KIAA0319: variants seen among roughly 807,000 people sequenced by gnomAD.
KIAA0319 encodes dyslexia-associated protein KIAA0319.
KIAA0319 carries 83 observed loss-of-function variants against 108.4 expected under a neutral mutation model. The ratio of observed to expected loss-of-function variants is 0.77; its 90% CI spans 0.64 to 0.92. The LOEUF is 0.92. Ranked by LOEUF, KIAA0319 falls within the 40% of genes least tolerant of loss-of-function variation. The pLI is 0.00. For missense variants in KIAA0319, 1,195 were observed against 1,322.4 expected (o/e 0.90, Z 1.49); for synonymous variants, 484 against 510.4 (o/e 0.95, Z 0.70).
chr6:24,567,330 C>T (rs1426539844), intron 13 of KIAA0319, among the ~76,000 whole-genome samples: 1 of 152,046 alleles, frequency 6.6e-6, no homozygotes, highest in Non-Finnish European at 1.5e-5. Context: ...AACAAGTCTC[C>T]ATCTCTATGA....
chr6:24,631,287 T>C (rs562934006), intron 1 of KIAA0319, among the ~76,000 whole-genome samples: 1 of 152,320 alleles, frequency 6.6e-6, no homozygotes, highest in African/African-American at 2.4e-5. Context: ...ATGCAGGCCA[T>C]GGGTCTACCT....
chr6:24,633,063 C>T (rs1775772271), intron 1 of KIAA0319, among the ~76,000 whole-genome samples: 1 of 152,034 alleles, frequency 6.6e-6, no homozygotes, highest in Admixed American at 6.6e-5. Flanking sequence ...TTTTCAACTT[C>T]CTAGGAGTCA....
At chr6:24,600,222 G>A (rs925253517) in intron 2 of KIAA0319, among the ~76,000 whole-genome samples, 2 of 152,158 alleles carry the variant, frequency 1.3e-5, no homozygotes, top group African/African-American at 4.8e-5. Context: ...AAACATTAAT[G>A]AAGGTATTTT....
intron 10 of KIAA0319, among the ~76,000 whole-genome samples, 169 bp downstream of exon 10, chr6:24,576,199 A>C (rs1765472792): frequency 6.6e-6 from 1 of 152,212 alleles, no homozygotes; most frequent in African/African-American, 2.4e-5. Flanking sequence ...GAAGGGATGT[A>C]AACTTGGAAG....
At chr6:24,636,183 G>A (rs77667203) in intron 1 of KIAA0319, among the ~76,000 whole-genome samples, 101 of 152,146 alleles carry the variant, frequency 6.6e-4, no homozygotes, top group African/African-American at 2.1e-3. Context: ...ACATACCTAC[G>A]CCCCAAAGAA....
intron 10 of KIAA0319, among the ~76,000 whole-genome samples, 182 bp downstream of exon 10, chr6:24,576,186 G>A (rs949687203): frequency 6.6e-6 from 1 of 152,212 alleles, no homozygotes; most frequent in African/African-American, 2.4e-5. Context: ...AAGTGGGCGA[G>A]GGGAAGGGAT....
At chr6:24,559,309 T>C (rs1762770062) in intron 16 of KIAA0319, among the ~76,000 whole-genome samples, 154 bp from the exon 17 acceptor site, 1 of 152,212 alleles carries the variant, frequency 6.6e-6, no homozygotes. Context: ...AGCCAAGGAA[T>C]TGATGTTTCT....
chr6:24,643,615 A>C (rs1777243896), intron 1 of KIAA0319, among the ~76,000 whole-genome samples: 1 of 152,194 alleles, frequency 6.6e-6, no homozygotes. Flanking sequence ...GCATTTTATG[A>C]TGATTTGATA....
intron 1 of KIAA0319, among the ~76,000 whole-genome samples, chr6:24,635,136 A>C (rs1459522538): frequency 1.4e-5 from 2 of 147,720 alleles, no homozygotes; most frequent in East Asian, 2.0e-4. Context: ...ATGGAGTTTC[A>C]CTATTGTTGC....
chr6:24,612,277 C>T (rs114884440), intron 1 of KIAA0319, among the ~76,000 whole-genome samples: 3,624 of 151,918 alleles, frequency 0.024, 67 homozygotes, highest in Non-Finnish European at 0.037. Flanking sequence ...CACAGCGAGA[C>T]CTCATCTCCA....
In KIAA0319 at chr6:24,579,486, CATATATCTTATATATCTCAT is replaced by C. The variant is rs1369282167; in HGVS notation, c.1372+352_1372+371del. On this transcript the variant is annotated intron_variant, in intron 8 of 20. Transcript: ENST00000378214. Reference sequence around the variant, plus strand: ...TCTCATATATATATCTTATATATCTCATATATCTTATATATCTCATATATATCTTATATATCTTATATATA... The same window carrying C: ...TCTCATATATATATCTTATATATCTCATATATCTTATATATCTTATATATA... Among the ~76,000 whole-genome samples the C allele has an allele frequency of 7.9e-4, 113 of 142,654 alleles. 1 individual carries two copies. The highest frequency in any genetic ancestry group is 2.7e-3 in the African/African-American group (104 of 37,910). 93.6% of individuals were successfully genotyped at this position (142,654 alleles called of 152,430 possible). A position where few individuals can be genotyped will look rare whatever the true frequency, so the allele number is the denominator to read the frequency against.
intron 16 of KIAA0319, among the ~76,000 whole-genome samples, chr6:24,561,184 GA>G (rs1249385595): frequency 6.6e-6 from 1 of 152,154 alleles, no homozygotes; most frequent in East Asian, 1.9e-4. Context: ...ATTCACAAGG[GA>G]TATTGGTCTG....
intron 1 of KIAA0319, among the ~76,000 whole-genome samples, chr6:24,642,278 G>GAGAA (rs528981948): frequency 2.7e-5 from 4 of 150,506 alleles, no homozygotes; most frequent in African/African-American, 4.9e-5. Context: ...GAAGGAGAGA[G>GAGAA]AGAAAGAAAG....
intron 20 of KIAA0319, among the ~76,000 whole-genome samples, chr6:24,549,090 G>A (rs1761047526): frequency 6.6e-6 from 1 of 151,678 alleles, no homozygotes; most frequent in Admixed American, 6.6e-5. Context: ...GGGAGGCCGA[G>A]GCGGGTGGAT....
At chr6:24,623,709 T>A (rs1030825161) in intron 1 of KIAA0319, among the ~76,000 whole-genome samples, 3 of 152,188 alleles carry the variant, frequency 2.0e-5, no homozygotes, top group Admixed American at 2.0e-4. Context: ...TTCCAGCGTT[T>A]GATAGCAAAG....
intron 1 of KIAA0319, among the ~76,000 whole-genome samples, chr6:24,603,130 ATT>A (rs779159780): frequency 6.6e-6 from 1 of 152,220 alleles, no homozygotes; most frequent in Non-Finnish European, 1.5e-5. Flanking sequence ...ATAATCATGC[ATT>A]TTATTAAATA....
intron 9 of KIAA0319, 79 bp from the exon 10 acceptor site, chr6:24,576,675 T>C: frequency 8.9e-7 from 1 of 1,119,574 alleles, no homozygotes; most frequent in Non-Finnish European, 1.3e-6. Context: ...ATCCCAACAC[T>C]GTGGGAAGCT....
intron 20 of KIAA0319, among the ~76,000 whole-genome samples, chr6:24,549,462 G>A (rs1464563817): frequency 6.6e-6 from 1 of 152,122 alleles, no homozygotes; most frequent in African/African-American, 2.4e-5. Context: ...CTCCAGAACT[G>A]TGGGTAATAA....
intron 1 of KIAA0319, among the ~76,000 whole-genome samples, chr6:24,604,135 T>C (rs1337971596): frequency 6.6e-6 from 1 of 152,170 alleles, no homozygotes; most frequent in African/African-American, 2.4e-5. Flanking sequence ...AAGAAAACAG[T>C]AAGCATTTCA....
Sources: allele counts gnomAD v4.1 joint callset (sites outside exome capture counted in the v4.1 genomes callset), GRCh38; gene constraint gnomAD v4.1.1; transcripts MANE v1.5; gene names NCBI Gene and HGNC (gene_info 2026-07-23, HGNC 2026-07-21).